Variants in ATXN1 observed in about 807,000 individuals in gnomAD.
ATXN1 encodes the protein ataxin-1.
ATXN1 carries 8 observed loss-of-function variants against 56.4 expected under a neutral mutation model. That is an observed-to-expected ratio of 0.14 (90% confidence interval 0.08 to 0.26). ATXN1 has a LOEUF of 0.26. Among genes scored for constraint, ATXN1 ranks in the 10% least tolerant of loss-of-function variants. The pLI is 1.00. For missense variants in ATXN1, 987 were observed against 1,106.5 expected (o/e 0.89, Z 1.53); for synonymous variants, 514 against 494.6 (o/e 1.04, Z -0.52).
chr6:16,690,068 G>T (rs1015022012), intron 2 of ATXN1, among the ~76,000 whole-genome samples: 10 of 151,722 alleles, frequency 6.6e-5, no homozygotes, highest in African/African-American at 2.2e-4. Flanking sequence ...ACTGGGTTGG[G>T]TTTTTTTTAA....
intron 4 of ATXN1, among the ~76,000 whole-genome samples, chr6:16,524,778 C>T (rs1309525646): frequency 6.6e-6 from 1 of 152,126 alleles, no homozygotes; most frequent in Non-Finnish European, 1.5e-5. Flanking sequence ...TGTGACTGGG[C>T]GTGGTGGCTC....
chr6:16,344,267 AC>A (rs1761327189), intron 6 of ATXN1, among the ~76,000 whole-genome samples: 1 of 152,090 alleles, frequency 6.6e-6, no homozygotes, highest in South Asian at 2.1e-4. Context: ...AACACCAGCC[AC>A]CCCCGCATGC....
At chr6:16,678,800 C>T (rs371033545) in intron 2 of ATXN1, among the ~76,000 whole-genome samples, 8 of 152,276 alleles carry the variant, frequency 5.3e-5, no homozygotes, top group South Asian at 2.1e-4. Flanking sequence ...CTTTGGGAGG[C>T]CGAGGCGGGT....
intron 5 of ATXN1, among the ~76,000 whole-genome samples, chr6:16,487,942 T>C (rs934921633): frequency 2.6e-5 from 4 of 152,208 alleles, no homozygotes; most frequent in Non-Finnish European, 5.9e-5. Context: ...ACTGATCTAG[T>C]GATGTACAAC....
intron 3 of ATXN1, among the ~76,000 whole-genome samples, chr6:16,617,425 A>G (rs561690791): frequency 1.3e-5 from 2 of 151,598 alleles, no homozygotes; most frequent in South Asian, 4.2e-4. Context: ...ATAAATGCTG[A>G]AAAAAAATAT....
intron 6 of ATXN1, among the ~76,000 whole-genome samples, chr6:16,334,144 C>G (rs1053016347): frequency 2.0e-5 from 3 of 152,142 alleles, no homozygotes; most frequent in Admixed American, 6.5e-5. Flanking sequence ...TTTTGGTTAT[C>G]ATATTTCGAA....
intron 6 of ATXN1, among the ~76,000 whole-genome samples, chr6:16,473,900 T>C (rs998196424): frequency 3.3e-5 from 5 of 152,216 alleles, no homozygotes; most frequent in South Asian, 2.1e-4. Context: ...GGAAACTTCC[T>C]GAATTGTCTA....
intron 6 of ATXN1, among the ~76,000 whole-genome samples, chr6:16,390,680 TC>T (rs1353472787): frequency 1.0e-4 from 15 of 147,258 alleles, no homozygotes; most frequent in African/African-American, 2.5e-4. Flanking sequence ...AATAAACACA[TC>T]ACACACACAC....
chr6:16,639,825 T>C (rs1240276375), intron 3 of ATXN1, among the ~76,000 whole-genome samples: 1 of 152,238 alleles, frequency 6.6e-6, no homozygotes, highest in African/African-American at 2.4e-5. Flanking sequence ...AAAATTACAA[T>C]GTTTCCTTCT....
intron 2 of ATXN1, among the ~76,000 whole-genome samples, chr6:16,683,229 C>A (rs1758850973): frequency 6.6e-6 from 1 of 152,164 alleles, no homozygotes. Flanking sequence ...TAGCTTAGAG[C>A]AAAATGTAGC....
intron 6 of ATXN1, among the ~76,000 whole-genome samples, chr6:16,482,166 T>C (rs1181286366): frequency 1.3e-5 from 2 of 152,192 alleles, no homozygotes; most frequent in East Asian, 3.8e-4. Context: ...AGCATGTATG[T>C]TCCTTTTCCT....
intron 6 of ATXN1, among the ~76,000 whole-genome samples, chr6:16,463,412 T>C (rs371437048): frequency 7.2e-5 from 11 of 152,314 alleles, no homozygotes; most frequent in African/African-American, 2.4e-4. Flanking sequence ...CCCCTACTTA[T>C]ACGGTTAAGA....
At chr6:16,730,598 G>C (rs955354755) in intron 2 of ATXN1, among the ~76,000 whole-genome samples, 5 of 150,794 alleles carry the variant, frequency 3.3e-5, no homozygotes, top group African/African-American at 9.7e-5. Flanking sequence ...AATATTATAA[G>C]AAAATGTCCC....
intron 6 of ATXN1, among the ~76,000 whole-genome samples, chr6:16,438,019 T>C (rs1759429584): frequency 6.6e-6 from 1 of 152,230 alleles, no homozygotes; most frequent in Admixed American, 6.5e-5. Context: ...CACTGGTCCA[T>C]GAGGCTAGGG....
intron 6 of ATXN1, among the ~76,000 whole-genome samples, chr6:16,468,182 T>G (rs756664366): frequency 6.6e-6 from 1 of 152,134 alleles, no homozygotes; most frequent in African/African-American, 2.4e-5. Flanking sequence ...TTATTATTTT[T>G]ATTTTTATTT....
At chr6:16,694,250 T>C (rs1759110252) in intron 2 of ATXN1, among the ~76,000 whole-genome samples, 2 of 143,940 alleles carry the variant, frequency 1.4e-5, no homozygotes, top group Admixed American at 1.4e-4. Flanking sequence ...TTTTTTTTTT[T>C]TCTTTTTTTT....
chr6:16,513,000 G>C (rs1038704433), intron 5 of ATXN1, among the ~76,000 whole-genome samples: 8 of 152,158 alleles, frequency 5.3e-5, no homozygotes, highest in Admixed American at 2.0e-4. Flanking sequence ...GAAACAGAAG[G>C]CTTTCTAAGT....
At chr6:16,400,069 T>A (rs1758536936) in intron 6 of ATXN1, among the ~76,000 whole-genome samples, 1 of 152,132 alleles carries the variant, frequency 6.6e-6, no homozygotes, top group African/African-American at 2.4e-5. Context: ...AGAACCAGAA[T>A]GTGCATTTCC....
intron 6 of ATXN1, among the ~76,000 whole-genome samples, chr6:16,335,650 T>C (rs1224602870): frequency 7.2e-5 from 11 of 152,228 alleles, no homozygotes; most frequent in Admixed American, 6.5e-4. Flanking sequence ...AACCTGGGAA[T>C]GGCTTTATTT....
Sources: allele counts gnomAD v4.1 joint callset (sites outside exome capture counted in the v4.1 genomes callset), GRCh38; gene constraint gnomAD v4.1.1; transcripts MANE v1.5; gene names NCBI Gene and HGNC (gene_info 2026-07-23, HGNC 2026-07-21).